Variants in WFDC3 observed in about 807,000 individuals in gnomAD.
The protein encoded by WFDC3 is WAP four-disulfide core domain 3.
In WFDC3, 15 loss-of-function variants were observed where a neutral mutation model predicts 25.8. The observed-to-expected ratio is 0.58, with a 90% CI of 0.39 to 0.89. WFDC3 has a LOEUF of 0.89. Among genes scored for constraint, WFDC3 ranks in the 40% least tolerant of loss-of-function variants. The probability of loss-of-function intolerance (pLI) is 0.00; values close to 1 mark genes in which losing one functional copy is unlikely to be tolerated. For missense variants in WFDC3, 264 were observed against 289.8 expected, an observed-to-expected ratio of 0.91 and a Z score of 0.65; for synonymous variants, 103 against 107.1, an observed-to-expected ratio of 0.96 and a Z score of 0.24.
chr20:45,787,704 C>CCT, intron 4 of WFDC3, 132 bp downstream of exon 4: 5 of 1,197,404 alleles, frequency 4.2e-6, no homozygotes, highest in Admixed American at 4.2e-5. Flanking sequence ...CTTGTGCACC[C>CCT]TTTGTATATC....
rs1401234811 is a variant in WFDC3, at chr20:45,785,273, C to T, written c.358+2563G>A. On this transcript the variant is annotated intron_variant, in intron 4 of 6. Transcript: ENST00000243938. The stretch of plus-strand genomic sequence containing the variant: ...TCACCTGAGGTCAGGAGTTCGAGAT[C>T]AGCCTGACCAACATGGCAAAACCCC... 3.3e-5 allele frequency among the ~76,000 whole-genome samples: 5 copies of T among 152,100 alleles called. No homozygotes were observed. The East Asian group carries it at 9.7e-4, about 29-fold the overall frequency.
chr20:45,785,968 T>C (rs1463032256), intron 4 of WFDC3, among the ~76,000 whole-genome samples: 1 of 152,172 alleles, frequency 6.6e-6, no homozygotes, highest in African/African-American at 2.4e-5. Context: ...AAGCTCCTAG[T>C]CATCTTAAGG....
chr20:45,790,763 C>T (rs1980929506), intron 1 of WFDC3, among the ~76,000 whole-genome samples: 2 of 151,830 alleles, frequency 1.3e-5, no homozygotes, highest in African/African-American at 4.8e-5. Context: ...TATCAAAAAC[C>T]TACAGAAAAG....
In WFDC3 at chr20:45,789,571, C is replaced by T. The variant is rs191979835; in HGVS notation, c.82+323G>A. ...ATACACAAATACTAACATATATCCA[C>T]CACTGCTAAAGGAGCAGCCATCCTG... On this transcript the variant is annotated intron_variant, in intron 2 of 6. Transcript: ENST00000243938. Among the ~76,000 whole-genome samples the T allele has an allele frequency of 1.2e-4, 18 of 152,058 alleles. 1 individual carries two copies. The highest frequency in any genetic ancestry group is 1.0e-3 in the Admixed American group (16 of 15,270).
chr20:45,781,921 TTGTTA>T (rs1319540427), intron 4 of WFDC3, among the ~76,000 whole-genome samples: 7 of 152,366 alleles, frequency 4.6e-5, no homozygotes, highest in African/African-American at 1.4e-4. Flanking sequence ...GGTCTCAGGC[TTGTTA>T]TGTTAACTCT....
At chr20:45,788,762 G>A in intron 3 of WFDC3, 169 bp downstream of exon 3, 2 of 843,794 alleles carry the variant, frequency 2.4e-6, no homozygotes. Context: ...AAACAACTGG[G>A]GGCACTGAAT....
chr20:45,789,933 G>A lies in WFDC3; in HGVS notation c.43C>T (p.Leu15Phe), dbSNP rs1863221014. 6.2e-7 allele frequency: 1 copy of A among 1,614,148 alleles called. No individual in the cohort carries two copies. ...CLFLLKALLA[L>F]GSLESWITAG... ...GTTATCCAGGATTCCAGAGACCCAA[G>A]AGCAAGAAGTGCCTTCAGAAGAAAG... is the stretch of plus-strand genomic sequence containing the variant. Residue 15 changes from leucine to phenylalanine, a missense_variant, in exon 2 of 7, where the codon CTT becomes TTT. By Grantham distance (22) the Leu-to-Phe change is conservative. Transcript: ENST00000243938.
At chr20:45,789,135 GGCATC>G (rs2145691360) in intron 2 of WFDC3, 76 bp from the exon 3 acceptor site, 2 of 1,573,916 alleles carry the variant, frequency 1.3e-6, no homozygotes, top group African/African-American at 2.7e-5. Flanking sequence ...AGCCCCTCCA[GGCATC>G]TCTATCCAAA....
chr20:45,786,389 C>CA (rs943588690), intron 4 of WFDC3, among the ~76,000 whole-genome samples: 244 of 152,150 alleles, frequency 1.6e-3, no homozygotes, highest in African/African-American at 5.4e-3. Context: ...GCAAGACTGT[C>CA]AAAAAAATAA....
chr20:45,790,959 TTTTTC>T (rs758304141), intron 1 of WFDC3: 5 of 469,880 alleles, frequency 1.1e-5, no homozygotes, highest in Admixed American at 2.4e-5. Flanking sequence ...TCCATTTCTT[TTTTTC>T]TTTATCTGTC....
intron 4 of WFDC3, among the ~76,000 whole-genome samples, chr20:45,779,595 C>T (rs1211636162): frequency 1.3e-5 from 2 of 152,154 alleles, no homozygotes; most frequent in African/African-American, 2.4e-5. Flanking sequence ...TTGACAAACA[C>T]TGAAATCCAT....
intron 4 of WFDC3, among the ~76,000 whole-genome samples, chr20:45,777,466 T>G (rs573714109): frequency 7.1e-4 from 107 of 151,646 alleles, no homozygotes; most frequent in African/African-American, 2.5e-3. Flanking sequence ...TCCTCCCACC[T>G]CAGCCTCCTG....
At chr20:45,785,876 C>T (rs6032533) in intron 4 of WFDC3, among the ~76,000 whole-genome samples, 69,801 of 151,996 alleles carry the variant, frequency 0.46, 18,538 homozygotes, top group Non-Finnish European at 0.6. Flanking sequence ...TCTCACGGGT[C>T]TACATCCTCA....
At chr20:45,781,809 G>A (rs1980457193) in intron 4 of WFDC3, among the ~76,000 whole-genome samples, 1 of 152,122 alleles carries the variant, frequency 6.6e-6, no homozygotes, top group South Asian at 2.1e-4. Flanking sequence ...TAGGCACAGT[G>A]AACCACTCTT....
At chr20:45,783,540 T>C (rs1980540697) in intron 4 of WFDC3, among the ~76,000 whole-genome samples, 1 of 151,856 alleles carries the variant, frequency 6.6e-6, no homozygotes, top group Admixed American at 6.6e-5. Context: ...GAGCTAAACA[T>C]CCTTATCCCC....
intron 4 of WFDC3, among the ~76,000 whole-genome samples, chr20:45,781,201 A>T (rs1980429544): frequency 6.6e-6 from 1 of 151,748 alleles, no homozygotes; most frequent in Admixed American, 6.6e-5. Context: ...GTGAGCCGAG[A>T]TCACACCACT....
chr20:45,785,267 C>T (rs776182278), intron 4 of WFDC3, among the ~76,000 whole-genome samples: 4 of 151,912 alleles, frequency 2.6e-5, no homozygotes, highest in African/African-American at 7.3e-5. Context: ...GTCAGGAGTT[C>T]GAGATCAGCC....
chr20:45,790,225 A>G (rs1980891995), intron 1 of WFDC3, among the ~76,000 whole-genome samples: 1 of 152,154 alleles, frequency 6.6e-6, no homozygotes, highest in South Asian at 2.1e-4. Context: ...TGTAAGCAAT[A>G]TACACAATAT....
At chr20:45,775,963 C>G (rs932707360) in intron 5 of WFDC3, among the ~76,000 whole-genome samples, 1 of 152,194 alleles carries the variant, frequency 6.6e-6, no homozygotes, top group Non-Finnish European at 1.5e-5. Context: ...TCACGGTGGC[C>G]TCCTCTGCCA....
Sources: allele counts gnomAD v4.1 joint callset (sites outside exome capture counted in the v4.1 genomes callset), GRCh38; gene constraint gnomAD v4.1.1; transcripts MANE v1.5; gene names NCBI Gene and HGNC (gene_info 2026-07-23, HGNC 2026-07-21).